RBMS1: variants seen among roughly 807,000 people sequenced by gnomAD.
RBMS1 encodes the protein RNA-binding motif, single-stranded-interacting protein 1.
RBMS1 carries 17 observed loss-of-function variants against 62.3 expected under a neutral mutation model. The ratio of observed to expected loss-of-function variants is 0.27; its 90% CI spans 0.19 to 0.41. The LOEUF is 0.41. Among genes scored for constraint, RBMS1 ranks in the 10% least tolerant of loss-of-function variants. The pLI is 1.00. For missense variants in RBMS1, 334 were observed against 504.5 expected (o/e 0.66, Z 3.24); for synonymous variants, 172 against 170.0 (o/e 1.01, Z -0.09).
intron 2 of RBMS1, among the ~76,000 whole-genome samples, chr2:160,322,480 G>A (rs1029473989): frequency 6.6e-6 from 1 of 152,214 alleles, no homozygotes; most frequent in Non-Finnish European, 1.5e-5. Context: ...AGTGATTTCT[G>A]ACATTTATCA....
intron 5 of RBMS1, 105 bp from the exon 6 acceptor site, chr2:160,300,835 A>G (rs1474603891): frequency 6.5e-6 from 8 of 1,233,070 alleles, no homozygotes; most frequent in Non-Finnish European, 8.5e-6. Context: ...GATATAAATG[A>G]AACCTAGTAA....
At chr2:160,303,510 C>A in intron 4 of RBMS1, 23 bp from the exon 5 acceptor site, 1 of 1,577,564 alleles carries the variant, frequency 6.3e-7, no homozygotes, top group East Asian at 2.3e-5. Context: ...AGAGTGTTGT[C>A]CATTAATTTC....
At chr2:160,420,963 C>T (rs550539427) in intron 1 of RBMS1, among the ~76,000 whole-genome samples, 62 of 152,108 alleles carry the variant, frequency 4.1e-4, no homozygotes, top group Non-Finnish European at 6.3e-4. Context: ...GATGGTACCA[C>T]GATGTATTTT....
chr2:160,387,248 A>T (rs1694627817), intron 1 of RBMS1, among the ~76,000 whole-genome samples: 1 of 152,198 alleles, frequency 6.6e-6, no homozygotes, highest in South Asian at 2.1e-4. Flanking sequence ...TGATGCTAGT[A>T]AATGGGAAAA....
chr2:160,311,245 T>TATATAG (rs1689890034), intron 4 of RBMS1, among the ~76,000 whole-genome samples: 2 of 141,210 alleles, frequency 1.4e-5, no homozygotes, highest in African/African-American at 2.5e-5. Flanking sequence ...TATATATATA[T>TATATAG]ATATATATAT....
At chr2:160,483,060 G>A (rs1416939993) in intron 1 of RBMS1, among the ~76,000 whole-genome samples, 1 of 148,996 alleles carries the variant, frequency 6.7e-6, no homozygotes, top group East Asian at 2.0e-4. Flanking sequence ...CTATTTGTAG[G>A]TTAAAAAATA....
At chr2:160,473,787 G>A (rs1685020887) in intron 1 of RBMS1, among the ~76,000 whole-genome samples, 1 of 152,088 alleles carries the variant, frequency 6.6e-6, no homozygotes, top group Non-Finnish European at 1.5e-5. Context: ...CTTTCCATAT[G>A]CAAATAAAGT....
intron 4 of RBMS1, among the ~76,000 whole-genome samples, chr2:160,304,649 T>A (rs1689400973): frequency 6.6e-6 from 1 of 152,170 alleles, no homozygotes; most frequent in African/African-American, 2.4e-5. Flanking sequence ...GTCTTAGTTT[T>A]TTATAAAAAA....
chr2:160,323,837 G>A (rs1310405005), intron 2 of RBMS1, among the ~76,000 whole-genome samples: 2 of 152,142 alleles, frequency 1.3e-5, no homozygotes, highest in Non-Finnish European at 2.9e-5. Context: ...ACAGGTAAAA[G>A]CTCATGTTCA....
chr2:160,430,678 T>C (rs1178861999), intron 1 of RBMS1, among the ~76,000 whole-genome samples: 2 of 152,168 alleles, frequency 1.3e-5, no homozygotes, highest in East Asian at 1.9e-4. Flanking sequence ...AAAGTAAAAA[T>C]AGTATTTTGG....
chr2:160,367,531 C>T, intron 1 of RBMS1, 140 bp from the exon 2 acceptor site: 1 of 1,377,182 alleles, frequency 7.3e-7, no homozygotes, highest in Non-Finnish European at 9.5e-7. Context: ...TAAAAAAGGT[C>T]TGTTCATGCT....
At chr2:160,283,029 T>C (rs1215627392) in intron 9 of RBMS1, 2 of 152,208 alleles carry the variant, frequency 1.3e-5, no homozygotes, top group South Asian at 2.1e-4. Flanking sequence ...TAGTTAGCTA[T>C]ATCAAATCTA....
chr2:160,338,870 C>G (rs756327038), intron 2 of RBMS1, among the ~76,000 whole-genome samples: 1 of 152,198 alleles, frequency 6.6e-6, no homozygotes, highest in Non-Finnish European at 1.5e-5. Context: ...GAGAATGAAG[C>G]AAACACTATT....
At chr2:160,357,916 T>C (rs145092495) in intron 2 of RBMS1, among the ~76,000 whole-genome samples, 1 of 152,268 alleles carries the variant, frequency 6.6e-6, no homozygotes, top group East Asian at 1.9e-4. Flanking sequence ...TTTTCTGTGA[T>C]GCTAAAATTA....
At chr2:160,428,047 A>T (rs1469597726) in intron 1 of RBMS1, among the ~76,000 whole-genome samples, 1 of 152,070 alleles carries the variant, frequency 6.6e-6, no homozygotes. Flanking sequence ...AAGAGAAAAC[A>T]TGCAGGATGG....
intron 1 of RBMS1, among the ~76,000 whole-genome samples, chr2:160,371,566 A>G (rs936986186): frequency 4.6e-5 from 7 of 152,194 alleles, no homozygotes; most frequent in African/African-American, 1.7e-4. Flanking sequence ...TTTTCTTGAT[A>G]ATATTTATAT....
intron 4 of RBMS1, among the ~76,000 whole-genome samples, chr2:160,307,014 T>A (rs373463108): frequency 6.6e-6 from 1 of 152,226 alleles, no homozygotes; most frequent in East Asian, 1.9e-4. Context: ...AGGGCTTCCA[T>A]AACAAGTAGA....
intron 2 of RBMS1, among the ~76,000 whole-genome samples, chr2:160,360,429 T>C (rs1448210995): frequency 6.6e-6 from 1 of 152,166 alleles, no homozygotes; most frequent in Non-Finnish European, 1.5e-5. Context: ...GCTAACTTTT[T>C]CTCTGTAACT....
Position 160,273,971 on chromosome 2 carries a change from T to C in RBMS1, c.*801A>G, listed in dbSNP as rs1026799154. ...GCATTTCACTACCTTACACATTATG[T>C]GAAAAATCATTAAAAACACCTACTA... On this transcript the variant is annotated 3_prime_UTR_variant, in exon 14 of 14. Coordinates refer to ENST00000348849, the MANE Select transcript of RBMS1 (RefSeq NM_016836.4). 3 of 152,628 alleles carry C rather than the reference T, an allele frequency of 2.0e-5. No individual in the cohort carries two copies. Among genetic ancestry groups the C allele is most frequent in the African/African-American group, 7.2e-5 (3 of 41,444 alleles). The allele number at this position is 152,628 out of a possible 1,614,324, so 9.5% of individuals were successfully genotyped here. A position where few individuals can be genotyped will look rare whatever the true frequency, so the allele number is the denominator to read the frequency against.
Sources: allele counts gnomAD v4.1 joint callset (sites outside exome capture counted in the v4.1 genomes callset), GRCh38; gene constraint gnomAD v4.1.1; transcripts MANE v1.5; gene names NCBI Gene and HGNC (gene_info 2026-07-23, HGNC 2026-07-21).